Variants in SLC38A11 observed in about 807,000 individuals in gnomAD.
SLC38A11 encodes putative sodium-coupled neutral amino acid transporter 11.
SLC38A11 carries 51 observed loss-of-function variants against 49.4 expected under a neutral mutation model. The ratio of observed to expected loss-of-function variants is 1.03; its 90% CI spans 0.83 to 1.30. The LOEUF is 1.30. Ranked by LOEUF, SLC38A11 falls within the 50% of genes most tolerant of loss-of-function variation. SLC38A11 has a pLI of 0.00. For missense variants in SLC38A11, 574 were observed against 556.2 expected, an observed-to-expected ratio of 1.03 and a Z score of -0.32; for synonymous variants, 203 against 192.9, an observed-to-expected ratio of 1.05 and a Z score of -0.43.
intron 3 of SLC38A11, among the ~76,000 whole-genome samples, chr2:164,947,115 CTCTTTTTTTTTTT>C (rs1688168019): frequency 1.6e-5 from 1 of 63,078 alleles, no homozygotes; most frequent in Non-Finnish European, 2.9e-5. Context: ...ACTTTTTTAT[CTCTTTTTTTTTTT>C]TTTTTTTTTT....
At chr2:164,914,692 GATAAT>G (rs1573909381) in intron 9 of SLC38A11, among the ~76,000 whole-genome samples, 2 of 151,950 alleles carry the variant, frequency 1.3e-5, no homozygotes, top group Admixed American at 6.6e-5. Context: ...GAATAACAAT[GATAAT>G]ATAATAATAC....
chr2:164,934,937 T>C (rs1687255737), intron 7 of SLC38A11, among the ~76,000 whole-genome samples: 1 of 152,100 alleles, frequency 6.6e-6, no homozygotes, highest in Non-Finnish European at 1.5e-5. Flanking sequence ...TAAGTATACG[T>C]TTTTGTGCTT....
chr2:164,898,752 C>G (rs749520840), intron 11 of SLC38A11, 22 bp from the exon 12 acceptor site: 7 of 1,590,628 alleles, frequency 4.4e-6, no homozygotes, highest in African/African-American at 1.4e-5. Context: ...AAACAAGAAA[C>G]AAGATAATGT....
intron 3 of SLC38A11, among the ~76,000 whole-genome samples, chr2:164,948,434 T>C (rs1273085293): frequency 6.6e-6 from 1 of 152,198 alleles, no homozygotes; most frequent in African/African-American, 2.4e-5. Flanking sequence ...CTGGTTATCA[T>C]GCCCATTTAA....
chr2:164,940,228 T>TTATA lies in SLC38A11; in HGVS notation c.431-676_431-673dup, dbSNP rs5836006. Among the ~76,000 whole-genome samples the TTATA allele has an allele frequency of 9.8e-3, 1,397 of 142,154 alleles. 7 individuals are homozygous for TTATA. Among genetic ancestry groups the TTATA allele is most frequent in the South Asian group, 0.013 (60 of 4,558 alleles). 93.3% of individuals were successfully genotyped at this position (142,154 alleles called of 152,430 possible). On this transcript the variant is annotated intron_variant, in intron 5 of 11. Coordinates refer to ENST00000685975, the MANE Select transcript of SLC38A11 (RefSeq NM_001351537.2). ...TATGGTCAAATACAAATAGAAAATTTTATATATATATATATATATATATAT... is the reference window on the plus strand; with the variant it reads ...TATGGTCAAATACAAATAGAAAATTTTATATATATATATATATATATATATATAT...
At chr2:164,925,094 T>G (rs1314492657) in intron 7 of SLC38A11, among the ~76,000 whole-genome samples, 2 of 152,224 alleles carry the variant, frequency 1.3e-5, no homozygotes, top group Non-Finnish European at 2.9e-5. Context: ...CTAGCCCAGC[T>G]TGGCACCATA....
At chr2:164,933,213 G>T (rs1230147467) in intron 7 of SLC38A11, among the ~76,000 whole-genome samples, 2 of 151,568 alleles carry the variant, frequency 1.3e-5, no homozygotes, top group South Asian at 2.1e-4. Flanking sequence ...TGAATGTAAA[G>T]AATTGAATAT....
At chr2:164,934,630 T>A (rs1319851066) in intron 7 of SLC38A11, among the ~76,000 whole-genome samples, 1 of 152,172 alleles carries the variant, frequency 6.6e-6, no homozygotes, top group African/African-American at 2.4e-5. Context: ...TTAGCTATGT[T>A]TCCCCCTCAA....
chr2:164,939,994 G>GT (rs10707733), intron 5 of SLC38A11, among the ~76,000 whole-genome samples: 169 of 137,260 alleles, frequency 1.2e-3, no homozygotes, highest in Non-Finnish European at 1.3e-3. Flanking sequence ...ATTTTCTAAG[G>GT]TTTTTTTTTT....
Position 164,911,666 on chromosome 2 carries a change from T to G in SLC38A11, c.933A>C (p.Thr311=), listed in dbSNP as rs112650463. ...RFCYGVTVIL[T]YPMECFVTRE... is the part of the protein sequence containing the mutation. ...TTGTCACAAAGCATTCCATAGGGTA[T>G]GTCAAAATGACAGTGACACCATAAC... Residue 311 remains threonine (T), a synonymous_variant, in exon 10 of 12, where the codon ACA becomes ACC. Transcript: ENST00000685975. 16 of 1,605,872 alleles carry G rather than the reference T, an allele frequency of 1.0e-5. No homozygotes were observed. In the Admixed American group the frequency reaches 2.0e-4, roughly 20 times the overall value.
At chr2:164,923,837 A>G (rs886726156) in intron 7 of SLC38A11, among the ~76,000 whole-genome samples, 11 of 151,810 alleles carry the variant, frequency 7.2e-5, no homozygotes, top group Admixed American at 7.2e-4. Context: ...GGGGCTGTGG[A>G]GAAAAGGGAA....
At chr2:164,942,139 T>G (rs1687812625) in intron 5 of SLC38A11, among the ~76,000 whole-genome samples, 1 of 152,020 alleles carries the variant, frequency 6.6e-6, no homozygotes, top group African/African-American at 2.4e-5. Flanking sequence ...ATTTTTAAAT[T>G]AGTAATTCTC....
intron 7 of SLC38A11, among the ~76,000 whole-genome samples, chr2:164,925,510 G>T (rs896325111): frequency 6.6e-6 from 1 of 152,018 alleles, no homozygotes; most frequent in Non-Finnish European, 1.5e-5. Context: ...CACCCTCTCC[G>T]AAATCCAGAC....
At chr2:164,949,211 G>T (rs1465350385) in intron 3 of SLC38A11, among the ~76,000 whole-genome samples, 1 of 151,376 alleles carries the variant, frequency 6.6e-6, no homozygotes, top group Non-Finnish European at 1.5e-5. Flanking sequence ...TGTGATAAAT[G>T]ACCTAATAAA....
intron 7 of SLC38A11, among the ~76,000 whole-genome samples, chr2:164,927,652 C>T (rs546116337): frequency 6.6e-6 from 1 of 152,158 alleles, no homozygotes; most frequent in East Asian, 1.9e-4. Flanking sequence ...CCAACCTGTC[C>T]CTACCAACTT....
intron 9 of SLC38A11, among the ~76,000 whole-genome samples, chr2:164,914,849 G>T (rs1685657475): frequency 6.6e-6 from 1 of 151,952 alleles, no homozygotes; most frequent in East Asian, 1.9e-4. Context: ...AAATGAAGCT[G>T]CAGTGGAGGA....
intron 7 of SLC38A11, among the ~76,000 whole-genome samples, chr2:164,927,706 T>C (rs1283213104): frequency 6.6e-6 from 1 of 152,192 alleles, no homozygotes; most frequent in Non-Finnish European, 1.5e-5. Flanking sequence ...TGCTTGTTTA[T>C]TTTTTAAAAC....
At chr2:164,919,708 A>C (rs1362408657) in intron 7 of SLC38A11, among the ~76,000 whole-genome samples, 2 of 152,226 alleles carry the variant, frequency 1.3e-5, no homozygotes, top group Non-Finnish European at 1.5e-5. Context: ...ACAATATCTA[A>C]TACAATGTAA....
chr2:164,930,643 A>G (rs1447186883), intron 7 of SLC38A11, among the ~76,000 whole-genome samples: 1 of 152,174 alleles, frequency 6.6e-6, no homozygotes. Context: ...AAAAAGAACT[A>G]AAGACAAAAA....
Sources: gnomAD v4.1 joint callset for allele counts (sites outside exome capture counted in the v4.1 genomes callset) on GRCh38, gnomAD v4.1.1 for gene constraint, MANE v1.5 for transcripts, NCBI Gene and HGNC (gene_info 2026-07-23, HGNC 2026-07-21) for gene names.